FKBP3: variants seen among roughly 807,000 people sequenced by gnomAD.
FKBP3 encodes the protein peptidyl-prolyl cis-trans isomerase FKBP3.
Under a neutral mutation model 30.6 loss-of-function variants are expected in FKBP3, and 21 were observed. The observed-to-expected ratio is 0.69, with a 90% CI of 0.49 to 0.99. The LOEUF (loss-of-function observed/expected upper bound fraction) is 0.99, where lower values mean the gene tolerates loss of function less well. Among genes scored for constraint, FKBP3 ranks in the 50% least tolerant of loss-of-function variants. FKBP3 has a pLI of 0.00. For synonymous variants in FKBP3, 82 were observed against 91.3 expected (o/e 0.90, Z 0.58); for missense variants, 283 against 261.6 (o/e 1.08, Z -0.56).
chr14:45,122,605 G>GTGA (rs1178555835), intron 3 of FKBP3, among the ~76,000 whole-genome samples: 2 of 151,948 alleles, frequency 1.3e-5, no homozygotes, highest in Non-Finnish European at 2.9e-5. Flanking sequence ...CTGGGTTCAA[G>GTGA]TGATTCTCCT....
At chr14:45,119,825 C>T (rs896418745) in intron 5 of FKBP3, among the ~76,000 whole-genome samples, 5 of 151,558 alleles carry the variant, frequency 3.3e-5, no homozygotes, top group Non-Finnish European at 7.4e-5. Context: ...GTAGCTGGGA[C>T]TACAGGCAAG....
intron 5 of FKBP3, among the ~76,000 whole-genome samples, chr14:45,119,987 G>A (rs1040585870): frequency 3.3e-5 from 5 of 152,112 alleles, no homozygotes; most frequent in Non-Finnish European, 7.4e-5. Flanking sequence ...ACCACGCCTG[G>A]CTGGGGCAGG....
At chr14:45,116,931 C>CTT (rs1884856792) in intron 6 of FKBP3, among the ~76,000 whole-genome samples, 1 of 152,024 alleles carries the variant, frequency 6.6e-6, no homozygotes. Context: ...TCTTGAGATG[C>CTT]TTCTTCACAT....
chr14:45,127,914 G>A (rs993458420), intron 3 of FKBP3, among the ~76,000 whole-genome samples: 3 of 152,180 alleles, frequency 2.0e-5, no homozygotes, highest in Non-Finnish European at 2.9e-5. Context: ...ATGTTTGAGA[G>A]CATTAGTCCT....
In FKBP3 at chr14:45,122,529, T is replaced by A. The variant is rs113302500; in HGVS notation, c.319-909A>T. ...ATTTCTTTTTTTTTCTGAGATGGAG[T>A]CTCACTCTGTCGCCAGGCTGGAGTG... On this transcript the variant is annotated intron_variant, in intron 3 of 6. Transcript: ENST00000396062. 3.9e-3 allele frequency among the ~76,000 whole-genome samples: 594 copies of A among 152,168 alleles called. 6 individuals are homozygous for A. Among genetic ancestry groups the A allele is most frequent in the African/African-American group, 0.014 (563 of 41,512 alleles).
chr14:45,117,914 C>T (rs1884888701), intron 6 of FKBP3, 114 bp downstream of exon 6: 2 of 736,792 alleles, frequency 2.7e-6, no homozygotes, highest in East Asian at 2.6e-5. Flanking sequence ...GAAGACTAGT[C>T]TGGACAGGAT....
At chr14:45,133,409 G>C (rs1476155041) in intron 1 of FKBP3, 1 of 234,822 alleles carries the variant, frequency 4.3e-6, no homozygotes, top group East Asian at 1.7e-4. Flanking sequence ...GGAGGTTGCA[G>C]TGAGCCGAGA....
intron 1 of FKBP3, chr14:45,133,340 G>A (rs1409914750): frequency 2.3e-5 from 7 of 304,866 alleles, no homozygotes; most frequent in Non-Finnish European, 4.1e-5. Context: ...GGTGGCACGC[G>A]CCTGTAGTCC....
chr14:45,133,838 TAAATC>T (rs1401202239), intron 1 of FKBP3, among the ~76,000 whole-genome samples: 1 of 152,218 alleles, frequency 6.6e-6, no homozygotes, highest in Non-Finnish European at 1.5e-5. Flanking sequence ...GTCGATATGT[TAAATC>T]AAAACTTAAA....
At chr14:45,116,638 C>A (rs1411626753) in intron 6 of FKBP3, among the ~76,000 whole-genome samples, 1 of 151,968 alleles carries the variant, frequency 6.6e-6, no homozygotes, top group Admixed American at 6.6e-5. Flanking sequence ...GGTGGATCAC[C>A]TGAGGTCAGG....
rs566626099 is a variant in FKBP3 at position 45,130,863 on chromosome 14, G to C, written c.109-63C>G. 3.5e-5 allele frequency: 32 copies of C among 902,222 alleles called. 1 individual carries two copies. In the East Asian group the frequency reaches 7.8e-4, roughly 22 times the overall value. 55.9% of individuals were successfully genotyped at this position (902,222 alleles called of 1,614,324 possible). A position where few individuals can be genotyped will look rare whatever the true frequency, so the allele number is the denominator to read the frequency against. ...CCCGAGTAAGAAGTGTCTAAAATTA[G>C]AAAACGATCCTTTTATGTTAGCAGT... On this transcript the variant is annotated intron_variant, in intron 1 of 6. Coordinates refer to ENST00000396062, the MANE Select transcript of FKBP3 (RefSeq NM_002013.4).
intron 3 of FKBP3, among the ~76,000 whole-genome samples, chr14:45,125,772 G>A (rs1347894640): frequency 2.6e-5 from 4 of 152,110 alleles, no homozygotes; most frequent in Admixed American, 6.6e-5. Context: ...CAGGAGCTGG[G>A]TCTTAAAGGG....
chr14:45,129,924 T>G, intron 2 of FKBP3, 23 bp from the exon 3 acceptor site: 4 of 1,521,422 alleles, frequency 2.6e-6, no homozygotes, highest in Non-Finnish European at 3.6e-6. Context: ...TGTTGTAACA[T>G]CATACCCAGG....
At position 45,134,467 on chromosome 14, in the gene FKBP3, T is replaced by G; in HGVS notation, c.-11A>C. 6.3e-7 allele frequency: 1 copy of G among 1,586,522 alleles called. No homozygotes were observed. Among genetic ancestry groups the G allele is most frequent in the Non-Finnish European group, 8.6e-7 (1 of 1,165,046 alleles). On this transcript the variant is annotated 5_prime_UTR_variant, in exon 1 of 7. Coordinates refer to ENST00000396062, the MANE Select transcript of FKBP3 (RefSeq NM_002013.4). ...AACGGCCGCCGCCATCTTCCCCCGC[T>G]GCCTCCGCTTTACTGAGCCAGCCCG...
chr14:45,133,572 C>A lies in FKBP3; in HGVS notation c.108+777G>T, dbSNP rs554736356. On this transcript the variant is annotated intron_variant, in intron 1 of 6. Transcript: ENST00000396062. ...GCAGGCTGCCGCTTGTAAGAGAATG[C>A]TGCGTGCACAACTATTTCAGCAATT... 15 of 155,184 alleles carry A rather than the reference C, an allele frequency of 9.7e-5. No homozygotes were observed. The South Asian group carries it at 2.6e-3, about 27-fold the overall frequency. The allele number at this position is 155,184 out of a possible 1,614,324, so 9.6% of individuals were successfully genotyped here.
intron 3 of FKBP3, among the ~76,000 whole-genome samples, chr14:45,122,167 T>C (rs1203955960): frequency 2.0e-5 from 3 of 152,090 alleles, no homozygotes; most frequent in African/African-American, 4.8e-5. Flanking sequence ...TAGAACAAAG[T>C]AGGATTATCA....
chr14:45,124,532 T>A (rs914743402), intron 3 of FKBP3, among the ~76,000 whole-genome samples: 1 of 148,492 alleles, frequency 6.7e-6, no homozygotes, highest in African/African-American at 2.5e-5. Context: ...AACTCTGTCT[T>A]AAAAAAAAAA....
chr14:45,130,854 C>A, intron 1 of FKBP3, 54 bp from the exon 2 acceptor site: 1 of 1,031,840 alleles, frequency 9.7e-7, no homozygotes, highest in South Asian at 1.4e-5. Context: ...TAAGAAGTGT[C>A]TAAAATTAGA....
intron 3 of FKBP3, 98 bp from the exon 4 acceptor site, chr14:45,121,718 G>T: frequency 1.5e-6 from 2 of 1,336,758 alleles, no homozygotes; most frequent in Non-Finnish European, 2.0e-6. Flanking sequence ...TCAGTTTAAA[G>T]AGTTTGATGG....
Sources: gnomAD v4.1 joint callset for allele counts (sites outside exome capture counted in the v4.1 genomes callset) on GRCh38, gnomAD v4.1.1 for gene constraint, MANE v1.5 for transcripts, NCBI Gene and HGNC (gene_info 2026-07-23, HGNC 2026-07-21) for gene names.